Variants in TPX2 observed in about 807,000 individuals in gnomAD.
TPX2 encodes the protein TPX2 microtubule nucleation factor.
In TPX2, 21 loss-of-function variants were observed where a neutral mutation model predicts 93.6. That is an observed-to-expected ratio of 0.22 (90% CI 0.16 to 0.32). The LOEUF is 0.32. Among genes scored for constraint, TPX2 ranks in the 10% least tolerant of loss-of-function variants. TPX2 has a pLI of 1.00. For missense variants in TPX2, 776 were observed against 871.1 expected (o/e 0.89, Z 1.37); for synonymous variants, 281 against 298.3 (o/e 0.94, Z 0.60).
Position 31,794,680 on chromosome 20 carries a change from C to T in TPX2, c.1833+132C>T, listed in dbSNP as rs1001112141. 7.8e-5 allele frequency: 91 copies of T among 1,168,988 alleles called. No homozygotes were observed. In the Admixed American group the frequency reaches 2.3e-3, roughly 29 times the overall value. The allele number at this position is 1,168,988 out of a possible 1,614,324, so 72.4% of individuals were successfully genotyped here. ...GGGGCTCTCACTGTAAATCAGGGGT[C>T]AGCACATTATTTCTGTAAAGGGCCA... On this transcript the variant is annotated intron_variant, in intron 15 of 17. Coordinates refer to ENST00000300403, the MANE Select transcript of TPX2 (RefSeq NM_012112.5).
chr20:31,787,688 T>C (rs568732435), intron 12 of TPX2, among the ~76,000 whole-genome samples: 1 of 152,318 alleles, frequency 6.6e-6, no homozygotes, highest in East Asian at 1.9e-4. Context: ...GCATTCTTTG[T>C]TCACATGTGA....
intron 12 of TPX2, among the ~76,000 whole-genome samples, chr20:31,788,267 A>C (rs1170532890): frequency 6.6e-6 from 1 of 151,942 alleles, no homozygotes; most frequent in Non-Finnish European, 1.5e-5. Context: ...ATACAAAAAA[A>C]ATTAGCCGGG....
chr20:31,772,009 G>C (rs1471930461), intron 7 of TPX2, among the ~76,000 whole-genome samples: 3 of 146,478 alleles, frequency 2.0e-5, no homozygotes, highest in Admixed American at 1.4e-4. Flanking sequence ...GCACTATCAT[G>C]CCTGGCTAAC....
chr20:31,776,313 C>T (rs2061999318), intron 8 of TPX2, among the ~76,000 whole-genome samples: 1 of 151,642 alleles, frequency 6.6e-6, no homozygotes, highest in South Asian at 2.1e-4. Context: ...ATCTCCTGAC[C>T]TCATGATCCA....
intron 1 of TPX2, among the ~76,000 whole-genome samples, chr20:31,740,092 TA>T (rs1314508998): frequency 5.9e-5 from 9 of 152,202 alleles, no homozygotes; most frequent in Admixed American, 5.9e-4. Context: ...TCAACATTTA[TA>T]GATTGGAGGG....
Position 31,739,850 on chromosome 20 carries a change from T to C in TPX2, c.-178+229T>C, listed in dbSNP as rs141152752. 5.0e-4 allele frequency among the ~76,000 whole-genome samples: 76 copies of C among 152,208 alleles called. No homozygotes were observed. The East Asian group carries it at 0.012, about 23-fold the overall frequency. Reference sequence around the variant, plus strand: ...ATACAGTAGCCATGCCCTCAGGAAGTGTGGCGTTTGATGGAGGAAAACAGA... The same window carrying C: ...ATACAGTAGCCATGCCCTCAGGAAGCGTGGCGTTTGATGGAGGAAAACAGA... On this transcript the variant is annotated intron_variant, in intron 1 of 17. Transcript: ENST00000300403.
At chr20:31,775,224 G>T (rs1010285970) in intron 7 of TPX2, among the ~76,000 whole-genome samples, 3 of 152,052 alleles carry the variant, frequency 2.0e-5, no homozygotes, top group African/African-American at 7.2e-5. Flanking sequence ...CTCCCAAAGT[G>T]CTGGGTTACA....
At chr20:31,795,281 G>C (rs576099823) in intron 15 of TPX2, among the ~76,000 whole-genome samples, 33 of 152,220 alleles carry the variant, frequency 2.2e-4, no homozygotes, top group Non-Finnish European at 3.7e-4. Context: ...TTACAGGCGC[G>C]TGCCACCACG....
At chr20:31,799,275 G>C (rs1411508961) in intron 17 of TPX2, among the ~76,000 whole-genome samples, 1 of 152,152 alleles carries the variant, frequency 6.6e-6, no homozygotes, top group Non-Finnish European at 1.5e-5. Context: ...ATGGAACTTC[G>C]TATGATAAAT....
intron 4 of TPX2, among the ~76,000 whole-genome samples, chr20:31,760,433 G>C (rs1234489100): frequency 3.3e-5 from 5 of 151,520 alleles, no homozygotes; most frequent in African/African-American, 1.2e-4. Flanking sequence ...ACCCAGGCTG[G>C]TGGAGTACAG....
intron 7 of TPX2, among the ~76,000 whole-genome samples, chr20:31,772,267 C>T (rs2061969016): frequency 1.3e-5 from 2 of 152,116 alleles, no homozygotes. Flanking sequence ...GTTATCTGCC[C>T]ACCTTGGCCT....
At chr20:31,781,602 A>T (rs1336315241) in intron 10 of TPX2, among the ~76,000 whole-genome samples, 1 of 151,752 alleles carries the variant, frequency 6.6e-6, no homozygotes, top group African/African-American at 2.4e-5. Flanking sequence ...ATAAGCAAAA[A>T]TTTTTTGTGT....
At position 31,770,486 on chromosome 20, in the gene TPX2, C is replaced by G. The variant is rs542159692; in HGVS notation, c.485+15C>G. ...AAAATGAAAGTGTGAGTAGCCACAACTTCTTACTGCCAAGGGCAGACATAT... is the reference window on the plus strand; with the variant it reads ...AAAATGAAAGTGTGAGTAGCCACAAGTTCTTACTGCCAAGGGCAGACATAT... On this transcript the variant is annotated intron_variant, in intron 6 of 17. Coordinates refer to ENST00000300403, the MANE Select transcript of TPX2 (RefSeq NM_012112.5). 26 of 1,564,000 alleles carry G rather than the reference C, an allele frequency of 1.7e-5. No homozygotes were observed. Among genetic ancestry groups the G allele is most frequent in the Middle Eastern group, 1.7e-4 (1 of 5,874 alleles).
intron 15 of TPX2, among the ~76,000 whole-genome samples, chr20:31,795,759 C>T (rs1417322663): frequency 6.6e-6 from 1 of 152,194 alleles, no homozygotes; most frequent in Non-Finnish European, 1.5e-5. Flanking sequence ...GTGCTATTTG[C>T]TCTTTATAAA....
At chr20:31,740,363 ATGT>A (rs773435522) in intron 1 of TPX2, among the ~76,000 whole-genome samples, 2 of 152,110 alleles carry the variant, frequency 1.3e-5, no homozygotes, top group Non-Finnish European at 2.9e-5. Flanking sequence ...CACTCATCAA[ATGT>A]TGTCAAAAAT....
intron 2 of TPX2, among the ~76,000 whole-genome samples, chr20:31,750,448 C>T (rs1351234777): frequency 6.8e-6 from 1 of 147,878 alleles, no homozygotes; most frequent in Non-Finnish European, 1.5e-5. Flanking sequence ...GCCACCGTGC[C>T]CGGCTATTTA....
intron 2 of TPX2, among the ~76,000 whole-genome samples, chr20:31,747,769 CTTTT>C (rs1236018315): frequency 2.4e-5 from 3 of 124,538 alleles, no homozygotes; most frequent in Admixed American, 1.6e-4. Flanking sequence ...ACGCATGTGC[CTTTT>C]TTTTTTTTTT....
chr20:31,761,572 A>G (rs1484968859), intron 4 of TPX2, among the ~76,000 whole-genome samples: 1 of 152,206 alleles, frequency 6.6e-6, no homozygotes, highest in African/African-American at 2.4e-5. Context: ...GTTGCCATGA[A>G]TGACAGAATT....
intron 3 of TPX2, among the ~76,000 whole-genome samples, 179 bp from the exon 4 acceptor site, chr20:31,759,878 A>G (rs746484644): frequency 5.9e-5 from 9 of 151,610 alleles, no homozygotes; most frequent in Non-Finnish European, 1.0e-4. Context: ...GATTGTTCTT[A>G]TAGTCTATCT....
Sources: gnomAD v4.1 joint callset for allele counts (sites outside exome capture counted in the v4.1 genomes callset) on GRCh38, gnomAD v4.1.1 for gene constraint, MANE v1.5 for transcripts, NCBI Gene and HGNC (gene_info 2026-07-23, HGNC 2026-07-21) for gene names.